RAB11B: variants seen among roughly 807,000 people sequenced by gnomAD.
The protein encoded by RAB11B is RAB11B, member RAS oncogene family.
In RAB11B, 7 loss-of-function variants were observed where a neutral mutation model predicts 23.7. The observed-to-expected ratio is 0.29, with a 90% CI of 0.17 to 0.55. The LOEUF is 0.55. RAB11B is among the 20% of genes least tolerant of loss of function. The pLI, the probability that RAB11B is intolerant of heterozygous loss-of-function variation, is 0.93. For missense variants in RAB11B, 189 were observed against 320.0 expected (o/e 0.59, Z 3.12); for synonymous variants, 138 against 132.0 (o/e 1.05, Z -0.31).
chr19:8,392,690 T>TTTTC (rs1230210968), intron 1 of RAB11B, among the ~76,000 whole-genome samples: 1 of 131,030 alleles, frequency 7.6e-6, no homozygotes, highest in African/African-American at 3.2e-5. Flanking sequence ...CTTTTCTTTT[T>TTTTC]TTTTTTTTTT....
At chr19:8,391,658 C>T (rs543862547) in intron 1 of RAB11B, among the ~76,000 whole-genome samples, 46 of 152,266 alleles carry the variant, frequency 3.0e-4, no homozygotes, top group Non-Finnish European at 5.4e-4. Context: ...CTTCACCCTG[C>T]GGCCTGCTCT....
rs1023213706 is a variant in RAB11B, at chr19:8,400,315, G to A, written c.236+257G>A. The A allele has an allele frequency of 4.1e-5, 22 of 530,344 alleles. No homozygotes were observed. In the Admixed American group the frequency reaches 5.7e-4, roughly 14 times the overall value. The allele number at this position is 530,344 out of a possible 1,614,324, so 32.9% of individuals were successfully genotyped here. A position where few individuals can be genotyped will look rare whatever the true frequency, so the allele number is the denominator to read the frequency against. On this transcript the variant is annotated intron_variant, in intron 2 of 4. Coordinates refer to ENST00000328024, the MANE Select transcript of RAB11B (RefSeq NM_004218.4). ...CTAGCTCAGGCCACTCCGCCTTGCC[G>A]CTGCCCCTGCCCAGCCAGCATCCCA... is the stretch of plus-strand genomic sequence containing the variant.
chr19:8,401,282 G>A (rs1490136534), intron 2 of RAB11B, among the ~76,000 whole-genome samples: 3 of 147,506 alleles, frequency 2.0e-5, no homozygotes, highest in South Asian at 2.2e-4. Flanking sequence ...GGGTTTCACC[G>A]CATTAGCCAG....
intron 1 of RAB11B, among the ~76,000 whole-genome samples, chr19:8,397,809 T>C (rs1432520365): frequency 6.6e-6 from 1 of 152,010 alleles, no homozygotes; most frequent in Non-Finnish European, 1.5e-5. Context: ...TCAGCCTGGC[T>C]GCCAGCACCT....
At chr19:8,392,583 G>C (rs1467844186) in intron 1 of RAB11B, among the ~76,000 whole-genome samples, 1 of 151,564 alleles carries the variant, frequency 6.6e-6, no homozygotes, top group Non-Finnish European at 1.5e-5. Flanking sequence ...CACAAGTTCA[G>C]CTTTTCCCAA....
chr19:8,390,498 A>G, intron 1 of RAB11B, 42 bp downstream of exon 1: 1 of 1,473,942 alleles, frequency 6.8e-7, no homozygotes. Flanking sequence ...CGTGGCGGCG[A>G]GGCGGCGGGC....
intron 1 of RAB11B, among the ~76,000 whole-genome samples, chr19:8,399,484 G>T (rs928921042): frequency 6.6e-6 from 1 of 152,180 alleles, no homozygotes; most frequent in East Asian, 1.9e-4. Context: ...AGGTCACCCC[G>T]CTCAGGAGCC....
chr19:8,395,829 G>C (rs1403476370), intron 1 of RAB11B, among the ~76,000 whole-genome samples: 2 of 152,222 alleles, frequency 1.3e-5, no homozygotes, highest in Non-Finnish European at 2.9e-5. Flanking sequence ...CCCGAGCCAC[G>C]TGCTGGGGTT....
At chr19:8,398,848 C>G (rs934145772) in intron 1 of RAB11B, among the ~76,000 whole-genome samples, 1 of 152,108 alleles carries the variant, frequency 6.6e-6, no homozygotes, top group African/African-American at 2.4e-5. Flanking sequence ...GTGATTCGAT[C>G]TCGGCTCACT....
intron 4 of RAB11B, 113 bp downstream of exon 4, chr19:8,402,678 G>A: frequency 1.3e-6 from 1 of 754,966 alleles, no homozygotes; most frequent in Non-Finnish European, 2.0e-6. Flanking sequence ...TTTTTTGTCG[G>A]GGCAGGATGG....
At position 8,396,752 on chromosome 19, in the gene RAB11B, C is replaced by T. The variant is rs762541541; in HGVS notation, c.41-3111C>T. 5.7e-5 allele frequency among the ~76,000 whole-genome samples: 4 copies of T among 69,600 alleles called. No homozygotes were observed. The South Asian group carries it at 1.8e-3, about 31-fold the overall frequency. The allele number at this position is 69,600 out of a possible 152,430, so 45.7% of individuals were successfully genotyped here. ...GAGGAGGGGAGGGCCCTGTGGGCAG[C>T]GGGGAGGACTGTGGCTTTTCCCCTG... is the stretch of plus-strand genomic sequence containing the variant. On this transcript the variant is annotated intron_variant, in intron 1 of 4. Coordinates refer to ENST00000328024, the MANE Select transcript of RAB11B (RefSeq NM_004218.4). The surrounding 1 kb of genome is among the most constrained non-coding windows in gnomAD (Gnocchi z 5.0).
chr19:8,390,582 C>A, intron 1 of RAB11B, 126 bp downstream of exon 1: 1 of 1,089,928 alleles, frequency 9.2e-7, no homozygotes, highest in Non-Finnish European at 1.2e-6. Context: ...GCGGGTCAGG[C>A]AGCCGGGAAG....
At chr19:8,394,553 T>C (rs1300743322) in intron 1 of RAB11B, among the ~76,000 whole-genome samples, 4 of 152,216 alleles carry the variant, frequency 2.6e-5, no homozygotes, top group Non-Finnish European at 4.4e-5. Flanking sequence ...AATATTTACA[T>C]CTGTCCCTGG....
At chr19:8,400,486 C>T (rs117665818) in intron 2 of RAB11B, 5,646 of 193,684 alleles carry the variant, frequency 0.029, 112 homozygotes, top group Middle Eastern at 0.08. Flanking sequence ...TTCTGGACCC[C>T]TCCCAAGCCC....
intron 1 of RAB11B, among the ~76,000 whole-genome samples, chr19:8,395,519 G>A (rs1489647164): frequency 6.6e-6 from 1 of 152,088 alleles, no homozygotes; most frequent in East Asian, 1.9e-4. Flanking sequence ...CAAGTGCTGG[G>A]ATTACAGGAT....
intron 2 of RAB11B, 153 bp downstream of exon 2, chr19:8,400,211 C>T (rs1388793593): frequency 2.8e-5 from 26 of 938,348 alleles, no homozygotes; most frequent in East Asian, 1.3e-4. Context: ...TTTAGCCATG[C>T]GCCGTGGGAC....
chr19:8,394,560 C>G (rs964031527), intron 1 of RAB11B, among the ~76,000 whole-genome samples: 1 of 152,224 alleles, frequency 6.6e-6, no homozygotes, highest in African/African-American at 2.4e-5. Context: ...ACATCTGTCC[C>G]TGGGGCAGCC....
chr19:8,398,257 G>A (rs1389703999), intron 1 of RAB11B, among the ~76,000 whole-genome samples: 8 of 152,300 alleles, frequency 5.3e-5, no homozygotes, highest in South Asian at 4.1e-4. Flanking sequence ...TGCACACCCC[G>A]TGTCGACTGG....
At chr19:8,392,091 C>A (rs115266175) in intron 1 of RAB11B, among the ~76,000 whole-genome samples, 1 of 151,980 alleles carries the variant, frequency 6.6e-6, no homozygotes, top group Non-Finnish European at 1.5e-5. Context: ...TCCTGCTGAT[C>A]GGGTGCCATC....
Sources: allele counts gnomAD v4.1 joint callset (sites outside exome capture counted in the v4.1 genomes callset), GRCh38; gene constraint gnomAD v4.1.1; non-coding constraint Gnocchi (gnomAD v3.1); transcripts MANE v1.5; gene names NCBI Gene and HGNC (gene_info 2026-07-23, HGNC 2026-07-21).